Variants in LRRC41 observed in about 807,000 individuals in gnomAD.
LRRC41 encodes the protein leucine-rich repeat-containing protein 41.
LRRC41 carries 17 observed loss-of-function variants against 72.1 expected under a neutral mutation model. The observed-to-expected ratio is 0.24, with a 90% CI of 0.16 to 0.35. LRRC41 has a LOEUF of 0.35. Among genes scored for constraint, LRRC41 ranks in the 10% least tolerant of loss-of-function variants. LRRC41 has a pLI of 1.00. For synonymous variants in LRRC41, 427 were observed against 431.0 expected (o/e 0.99, Z 0.11); for missense variants, 759 against 1,065.0 (o/e 0.71, Z 4.00).
intron 3 of LRRC41, among the ~76,000 whole-genome samples, chr1:46,293,269 T>A (rs186625559): frequency 6.0e-5 from 9 of 150,576 alleles, no homozygotes; most frequent in South Asian, 2.1e-4. Flanking sequence ...TGCTCTTTTT[T>A]AAGACAGGTT....
rs757936214 is a variant in LRRC41, at chr1:46,281,245, C to T, written c.1636G>A (p.Ala546Thr). The change falls in exon 5 of 10, where the codon GCA becomes ACA. Residue 546 changes from alanine (A) to threonine (T), a missense_variant. Physicochemically the swap from Ala to Thr is moderately conservative, Grantham distance 58. Coordinates refer to ENST00000617190, the MANE Select transcript of LRRC41 (RefSeq NM_006369.5). ...GAGAGGACCCGTAGCAGGGGCAGTG[C>T]TCGCACGATAGCACGTGTCAGCTCC... ...ILELTRAIVRALPLLRVLSIR... is the reference protein window; with the variant it reads ...ILELTRAIVRTLPLLRVLSIR... 17 of 1,614,102 alleles carry T rather than the reference C, an allele frequency of 1.1e-5. No individual in the cohort carries two copies. In the East Asian group the frequency reaches 2.2e-4, roughly 21 times the overall value.
Position 46,286,140 on chromosome 1 carries a change from C to T in LRRC41, c.717G>A (p.Glu239=). 10 of 1,614,260 alleles carry T rather than the reference C, an allele frequency of 6.2e-6. No individual in the cohort carries two copies. The highest frequency in any genetic ancestry group is 8.5e-6 in the Non-Finnish European group (10 of 1,180,040). ...TGAGAATAAGGATGAAAAGGGCTGACTCAGGCACAGGCCAGGAGTATAGCG... is the reference window on the plus strand; with the variant it reads ...TGAGAATAAGGATGAAAAGGGCTGATTCAGGCACAGGCCAGGAGTATAGCG... ...QVSLYSWPVP[E]SALFILILTM... The change falls in exon 4 of 10, where the codon GAG becomes GAA. Residue 239 remains glutamate (E), a synonymous_variant. Transcript: ENST00000617190. This position sits in a 1 kb window ranked among gnomAD's most constrained non-coding sequence, Gnocchi z 5.5.
Position 46,280,198 on chromosome 1 carries a change from G to A in LRRC41, c.2014C>T (p.Leu672=). ...EVLFLLQNLT[L]QEITFSFCRL... is the part of the protein sequence containing the mutation. ...TTCTGAATAAGGAACTTACCTTGCAGAGTCAGATTCTGTAGCAAAAAGAGC... is the reference window on the plus strand; with the variant it reads ...TTCTGAATAAGGAACTTACCTTGCAAAGTCAGATTCTGTAGCAAAAAGAGC... The change falls in exon 7 of 10, where the codon CTG becomes TTG. Residue 672 remains leucine (L), a synonymous_variant. Transcript: ENST00000617190. 1 of 1,613,204 alleles carries A rather than the reference G, an allele frequency of 6.2e-7. No homozygotes were observed. The highest frequency in any genetic ancestry group is 1.3e-5 in the African/African-American group (1 of 75,038).
rs887793552 is a variant in LRRC41 at position 46,278,770 on chromosome 1, A to G, written c.*95T>C. ...AAGAGAAAAAAGGTGACAGAAAGAGAAAGATAGAACTGGTGGTTGGGGTTC... is the reference window on the plus strand; with the variant it reads ...AAGAGAAAAAAGGTGACAGAAAGAGGAAGATAGAACTGGTGGTTGGGGTTC... On this transcript the variant is annotated 3_prime_UTR_variant, in exon 10 of 10. Coordinates refer to ENST00000617190, the MANE Select transcript of LRRC41 (RefSeq NM_006369.5). 1 of 1,212,130 alleles carries G rather than the reference A, an allele frequency of 8.2e-7. No homozygotes were observed. Among genetic ancestry groups the G allele is most frequent in the South Asian group, 1.3e-5 (1 of 78,146 alleles). 75.1% of individuals were successfully genotyped at this position (1,212,130 alleles called of 1,614,324 possible).
At chr1:46,282,154 A>G (rs1660791391) in intron 4 of LRRC41, among the ~76,000 whole-genome samples, 1 of 152,164 alleles carries the variant, frequency 6.6e-6, no homozygotes, top group South Asian at 2.1e-4. Flanking sequence ...CATGAGGCTC[A>G]GGAAACAGCT....
Position 46,278,701 on chromosome 1 carries a change from C to G in LRRC41, c.*164G>C. On this transcript the variant is annotated 3_prime_UTR_variant, in exon 10 of 10. Coordinates refer to ENST00000617190, the MANE Select transcript of LRRC41 (RefSeq NM_006369.5). The stretch of plus-strand genomic sequence containing the variant: ...CTGTGAGAATGCCTGTTTGCTGGGC[C>G]TCATCAAGGCCTCCAGGACCTCAGT... The G allele has an allele frequency of 1.5e-6, 1 of 678,564 alleles. No homozygotes were observed. The highest frequency in any genetic ancestry group is 1.8e-5 in the African/African-American group (1 of 55,426). The allele number at this position is 678,564 out of a possible 1,614,324, so 42.0% of individuals were successfully genotyped here.
In LRRC41 at chr1:46,297,652, C is replaced by T; in HGVS notation, c.287-19G>A. The stretch of plus-strand genomic sequence containing the variant: ...GAGAGGCCTGTAAGGAGAAATATCA[C>T]ACTTGGCTGCTTACTGGCCACCATG... On this transcript the variant is annotated intron_variant, in intron 2 of 9. Transcript: ENST00000617190. 6.3e-7 allele frequency: 1 copy of T among 1,595,162 alleles called. No individual in the cohort carries two copies. Among genetic ancestry groups the T allele is most frequent in the Non-Finnish European group, 8.6e-7 (1 of 1,162,776 alleles).
At chr1:46,280,586 C>A (rs746409129) in intron 5 of LRRC41, 26 bp from the exon 6 acceptor site, 1 of 1,609,316 alleles carries the variant, frequency 6.2e-7, no homozygotes, top group South Asian at 1.1e-5. Flanking sequence ...AAAGAAGATT[C>A]CAGCTGGCCA....
At position 46,301,917 on chromosome 1, in the gene LRRC41, A is replaced by G. The variant is rs886363462; in HGVS notation, c.199+1207T>C. The G allele has an allele frequency of 4.1e-6, 4 of 974,250 alleles. No homozygotes were observed. In the African/African-American group the frequency reaches 5.4e-5, roughly 13 times the overall value. The allele number at this position is 974,250 out of a possible 1,614,324, so 60.4% of individuals were successfully genotyped here. A position where few individuals can be genotyped will look rare whatever the true frequency, so the allele number is the denominator to read the frequency against. Reference sequence around the variant, plus strand: ...CCGACCCCACCCTCACAGAGCCAGCAGCCTCTCAGGCCCGAGGCCTCCCCT... The same window carrying G: ...CCGACCCCACCCTCACAGAGCCAGCGGCCTCTCAGGCCCGAGGCCTCCCCT... On this transcript the variant is annotated intron_variant, in intron 1 of 9. Transcript: ENST00000617190.
Position 46,302,686 on chromosome 1 carries a change from C to T in LRRC41, c.199+438G>A. 1 of 985,414 alleles carries T rather than the reference C, an allele frequency of 1.0e-6. No homozygotes were observed. Among genetic ancestry groups the T allele is most frequent in the Non-Finnish European group, 1.2e-6 (1 of 829,914 alleles). The allele number at this position is 985,414 out of a possible 1,614,324, so 61.0% of individuals were successfully genotyped here. On this transcript the variant is annotated intron_variant, in intron 1 of 9. Transcript: ENST00000617190. The surrounding 1 kb of genome is among the most constrained non-coding windows in gnomAD (Gnocchi z 4.7). ...ATCAGTCAGGTTCGGTGGCCCCGGGCCTGGCCTGGCCTTGCCTTAGGCCGG... is the reference window on the plus strand; with the variant it reads ...ATCAGTCAGGTTCGGTGGCCCCGGGTCTGGCCTGGCCTTGCCTTAGGCCGG...
rs1436482013 is a variant in LRRC41 at position 46,286,581 on chromosome 1, T to C, written c.358-82A>G. Reference sequence around the variant, plus strand: ...TTCCCTCTCTTCCAATAGCACACTATTTACTGAGTCAGGCAACACTACAAA... The same window carrying C: ...TTCCCTCTCTTCCAATAGCACACTACTTACTGAGTCAGGCAACACTACAAA... On this transcript the variant is annotated intron_variant, in intron 3 of 9. Transcript: ENST00000617190. This position sits in a 1 kb window ranked among gnomAD's most constrained non-coding sequence, Gnocchi z 5.5. The C allele has an allele frequency of 6.3e-6, 8 of 1,275,550 alleles. No homozygotes were observed. The East Asian group carries it at 1.9e-4, about 30-fold the overall frequency. 79.0% of individuals were successfully genotyped at this position (1,275,550 alleles called of 1,614,324 possible). A position where few individuals can be genotyped will look rare whatever the true frequency, so the allele number is the denominator to read the frequency against.
At position 46,285,186 on chromosome 1, in the gene LRRC41, C is replaced by CT. The variant is rs765518505; in HGVS notation, c.1495+175dup. The stretch of plus-strand genomic sequence containing the variant: ...TTCAACAACTAATCAAGTGTATAGA[C>CT]TTTATGTTCCTCTCTTCTAGCAATG... On this transcript the variant is annotated intron_variant, in intron 4 of 9. Transcript: ENST00000617190. This position sits in a 1 kb window ranked among gnomAD's most constrained non-coding sequence, Gnocchi z 5.3. The CT allele has an allele frequency of 3.2e-5, 21 of 662,224 alleles. 1 individual carries two copies. The South Asian group carries it at 3.7e-4, about 12-fold the overall frequency. 41.0% of individuals were successfully genotyped at this position (662,224 alleles called of 1,614,324 possible). A position where few individuals can be genotyped will look rare whatever the true frequency, so the allele number is the denominator to read the frequency against.
At position 46,285,286 on chromosome 1, in the gene LRRC41, A is replaced by C. The variant is rs777916035; in HGVS notation, c.1495+76T>G. On this transcript the variant is annotated intron_variant, in intron 4 of 9. Transcript: ENST00000617190. The surrounding 1 kb of genome is among the most constrained non-coding windows in gnomAD (Gnocchi z 5.3). ...ATCATACCCCCAATTTGCCCCTCCC[A>C]CCTCCCTAGAATTAGGCACACAGCT... 6.6e-7 allele frequency: 1 copy of C among 1,513,516 alleles called. No homozygotes were observed. Among genetic ancestry groups the C allele is most frequent in the Non-Finnish European group, 9.0e-7 (1 of 1,109,082 alleles). The allele number at this position is 1,513,516 out of a possible 1,614,324, so 93.8% of individuals were successfully genotyped here.
At chr1:46,280,684 C>T in intron 5 of LRRC41, 124 bp from the exon 6 acceptor site, 6 of 931,094 alleles carry the variant, frequency 6.4e-6, no homozygotes, top group Non-Finnish European at 6.5e-6. Context: ...TCGTTGAGTG[C>T]CTACCATATG....
At position 46,280,535 on chromosome 1, in the gene LRRC41, C is replaced by T. The variant is rs759642695; in HGVS notation, c.1782G>A (p.Met594Ile). The change falls in exon 6 of 10, where the codon ATG becomes ATA. Residue 594 changes from methionine to isoleucine, a missense_variant. By Grantham distance (10) the Met-to-Ile change is conservative (BLOSUM62 1). Around this residue, in one of 4 missense-constraint regions of LRRC41, gnomAD observed 427 missense variants for 520.9 expected, o/e 0.82. Transcript: ENST00000617190. ...IPENCLEQLEMGFPRGAQPAP... is the reference protein window; with the variant it reads ...IPENCLEQLEIGFPRGAQPAP... ...CTGGCTGGGCTCCCCGTGGAAATCC[C>T]ATCTCCAACTGCTCCAGGCAGTTTT... The T allele has an allele frequency of 4.3e-6, 7 of 1,613,956 alleles. No individual in the cohort carries two copies. The highest frequency in any genetic ancestry group is 5.9e-6 in the Non-Finnish European group (7 of 1,180,050).
chr1:46,277,998 CCATT>C lies in LRRC41; in HGVS notation c.*863_*866del, dbSNP rs1660667396. 1 of 1,614,052 alleles carries C rather than the reference CCATT, an allele frequency of 6.2e-7. No individual in the cohort carries two copies. The highest frequency in any genetic ancestry group is 1.1e-5 in the South Asian group (1 of 91,090). On this transcript the variant is annotated 3_prime_UTR_variant, in exon 10 of 10. Transcript: ENST00000617190. ...CATGACAGGTGGGGAAGTGCCCTAA[CCATT>C]ATCTCTAAGCTACCCACACAGTAGG...
rs1268844050 is a variant in LRRC41, at chr1:46,285,698, G to A, written c.1159C>T (p.Pro387Ser). 1 of 1,613,532 alleles carries A rather than the reference G, an allele frequency of 6.2e-7. No individual in the cohort carries two copies. Among genetic ancestry groups the A allele is most frequent in the Non-Finnish European group, 8.5e-7 (1 of 1,179,790 alleles). The change falls in exon 4 of 10, where the codon CCC becomes TCC. Residue 387 changes from proline to serine, a missense_variant. Transcript: ENST00000617190. The surrounding 1 kb of genome is among the most constrained non-coding windows in gnomAD (Gnocchi z 5.3). ...APASSAPQPK[P>S]LKRFKRAAGK... ...GCAGCTCGCTTGAAACGCTTTAGGG[G>A]CTTAGGCTGTGGGGCTGAGCTAGCT... is the stretch of plus-strand genomic sequence containing the variant.
chr1:46,285,186 CT>C lies in LRRC41; in HGVS notation c.1495+175del. On this transcript the variant is annotated intron_variant, in intron 4 of 9. Transcript: ENST00000617190. The surrounding 1 kb of genome is among the most constrained non-coding windows in gnomAD (Gnocchi z 5.3). ...TTCAACAACTAATCAAGTGTATAGA[CT>C]TTATGTTCCTCTCTTCTAGCAATGA... 1.5e-6 allele frequency: 1 copy of C among 662,224 alleles called. No homozygotes were observed. The highest frequency in any genetic ancestry group is 2.7e-6 in the Non-Finnish European group (1 of 374,740). 41.0% of individuals were successfully genotyped at this position (662,224 alleles called of 1,614,324 possible).
Position 46,279,376 on chromosome 1 carries a change from T to C in LRRC41, c.2143+116A>G, listed in dbSNP as rs1366766371. On this transcript the variant is annotated intron_variant, in intron 8 of 9. Coordinates refer to ENST00000617190, the MANE Select transcript of LRRC41 (RefSeq NM_006369.5). This position sits in a 1 kb window ranked among gnomAD's most constrained non-coding sequence, Gnocchi z 4.5. ...GGTTCCTGAAGCCCCAGCACAGAAA[T>C]ATCTGTATTCCAACTCCCACGTTCC... The C allele has an allele frequency of 1.3e-6, 2 of 1,584,332 alleles. No individual in the cohort carries two copies. The highest frequency in any genetic ancestry group is 1.7e-5 in the Admixed American group (1 of 59,968).
Sources: gnomAD v4.1 joint callset for allele counts (sites outside exome capture counted in the v4.1 genomes callset) on GRCh38, gnomAD v4.1.1 for gene constraint, gnomAD v4.1.1 regional missense constraint, Gnocchi (gnomAD v3.1) non-coding constraint, MANE v1.5 for transcripts, NCBI Gene and HGNC (gene_info 2026-07-23, HGNC 2026-07-21) for gene names.